Variants in CNTNAP3B observed in about 807,000 individuals in gnomAD.
The protein encoded by CNTNAP3B is contactin associated protein family member 3B.
Under a neutral mutation model 108.9 loss-of-function variants are expected in CNTNAP3B, and 25 were observed. The observed-to-expected ratio is 0.23, with a 90% confidence interval of 0.17 to 0.32. The LOEUF (loss-of-function observed/expected upper bound fraction) is 0.32, where lower values mean the gene tolerates loss of function less well. Ranked by LOEUF, CNTNAP3B falls within the 10% of genes least tolerant of loss-of-function variation. The probability of loss-of-function intolerance (pLI) is 1.00; values close to 1 mark genes in which losing one functional copy is unlikely to be tolerated. For missense variants in CNTNAP3B, 252 were observed against 1,210.4 expected (o/e 0.21, Z 11.75); for synonymous variants, 103 against 473.4 (o/e 0.22, Z 10.16).
intron 15 of CNTNAP3B, among the ~76,000 whole-genome samples, chr9:41,924,946 G>A (rs1430157162): frequency 2.2e-3 from 339 of 152,048 alleles, no homozygotes; most frequent in East Asian, 0.017. Context: ...TTCATGTTGT[G>A]CATTTTTGTC....
intron 6 of CNTNAP3B, among the ~76,000 whole-genome samples, chr9:41,997,366 T>C (rs1268024034): frequency 1.3e-5 from 2 of 152,218 alleles, no homozygotes; most frequent in Non-Finnish European, 2.9e-5. Flanking sequence ...ACACTGACTG[T>C]TTACTTCTTT....
intron 3 of CNTNAP3B, among the ~76,000 whole-genome samples, chr9:42,070,766 C>T (rs1451700956): frequency 6.6e-6 from 1 of 152,164 alleles, no homozygotes; most frequent in African/African-American, 2.4e-5. Context: ...CTGCCCCCTC[C>T]GTTAGTTCCA....
At chr9:41,955,796 C>T (rs1824839395) in intron 12 of CNTNAP3B, among the ~76,000 whole-genome samples, 1 of 152,292 alleles carries the variant, frequency 6.6e-6, no homozygotes, top group African/African-American at 2.4e-5. Flanking sequence ...AATAAATATC[C>T]AACTTTGAAA....
At chr9:42,056,204 G>A (rs1301708333) in intron 3 of CNTNAP3B, among the ~76,000 whole-genome samples, 1 of 133,982 alleles carries the variant, frequency 7.5e-6, no homozygotes, top group Admixed American at 7.5e-5. Flanking sequence ...TGAAAGTAAT[G>A]TCCTAAGCAA....
At chr9:41,965,617 T>C (rs529478710) in intron 10 of CNTNAP3B, among the ~76,000 whole-genome samples, 193 of 149,790 alleles carry the variant, frequency 1.3e-3, no homozygotes, top group African/African-American at 4.6e-3. Context: ...GTGAAGATTC[T>C]AAAGGACACT....
chr9:42,068,019 C>T (rs946540533), intron 3 of CNTNAP3B, among the ~76,000 whole-genome samples: 1 of 139,384 alleles, frequency 7.2e-6, no homozygotes, highest in Non-Finnish European at 1.5e-5. Context: ...GAAAAACACC[C>T]CTGCTCATCA....
At chr9:41,935,152 T>C (rs1297390484) in intron 14 of CNTNAP3B, among the ~76,000 whole-genome samples, 4 of 152,302 alleles carry the variant, frequency 2.6e-5, no homozygotes, top group Non-Finnish European at 4.4e-5. Flanking sequence ...CTTTTAAATA[T>C]ATGTTTTTAT....
chr9:41,977,077 G>T (rs951565162), intron 9 of CNTNAP3B, among the ~76,000 whole-genome samples: 2 of 144,112 alleles, frequency 1.4e-5, no homozygotes, highest in East Asian at 4.2e-4. Context: ...TGAAAAATTA[G>T]CAATATTTTT....
At chr9:41,951,362 G>T (rs868341464) in intron 13 of CNTNAP3B, among the ~76,000 whole-genome samples, 5 of 103,714 alleles carry the variant, frequency 4.8e-5, no homozygotes, top group African/African-American at 1.8e-4. Context: ...AAGATCACCT[G>T]GGGATTTTTT....
intron 9 of CNTNAP3B, among the ~76,000 whole-genome samples, chr9:41,977,608 G>C (rs918764727): frequency 7.3e-6 from 1 of 137,112 alleles, no homozygotes; most frequent in Non-Finnish European, 1.5e-5. Flanking sequence ...CAATTTTAGG[G>C]ATGAATTTTA....
In CNTNAP3B at chr9:41,936,210, C is replaced by T. The variant is rs1824151884; in HGVS notation, c.2237+2034G>A. Reference sequence around the variant, plus strand: ...GAGAATCGCTTGAATCCGGGAGGCGCAGGTTGCAGTGAGCTGAGATCGCAC... The same window carrying T: ...GAGAATCGCTTGAATCCGGGAGGCGTAGGTTGCAGTGAGCTGAGATCGCAC... On this transcript the variant is annotated intron_variant, in intron 14 of 23. Transcript: ENST00000377561. 2.0e-5 allele frequency among the ~76,000 whole-genome samples: 3 copies of T among 152,400 alleles called. No individual in the cohort carries two copies. In the South Asian group the frequency reaches 6.2e-4, roughly 32 times the overall value.
intron 3 of CNTNAP3B, among the ~76,000 whole-genome samples, chr9:42,053,829 G>T (rs1245778991): frequency 6.9e-6 from 1 of 143,910 alleles, no homozygotes; most frequent in Non-Finnish European, 1.5e-5. Flanking sequence ...GACAGAGCAG[G>T]CTGCTCCAAC....
intron 13 of CNTNAP3B, among the ~76,000 whole-genome samples, chr9:41,952,012 C>T (rs1315722393): frequency 6.6e-6 from 1 of 151,048 alleles, no homozygotes; most frequent in African/African-American, 2.4e-5. Flanking sequence ...GGGAGGGGAG[C>T]GGGTTGCAGT....
intron 14 of CNTNAP3B, among the ~76,000 whole-genome samples, chr9:41,932,761 G>C (rs1480108047): frequency 6.6e-6 from 1 of 151,890 alleles, no homozygotes; most frequent in African/African-American, 2.4e-5. Flanking sequence ...TTCATGATCT[G>C]CCCGCCTTGG....
chr9:42,021,818 C>T (rs1250355678), intron 3 of CNTNAP3B, among the ~76,000 whole-genome samples: 1 of 135,978 alleles, frequency 7.4e-6, no homozygotes, highest in Non-Finnish European at 1.6e-5. Context: ...AGCTCTGAAA[C>T]CGCCTTTGCA....
At chr9:41,937,702 C>T (rs1159033777) in intron 14 of CNTNAP3B, among the ~76,000 whole-genome samples, 1 of 152,128 alleles carries the variant, frequency 6.6e-6, no homozygotes, top group Non-Finnish European at 1.5e-5. Context: ...GTATGGTCTA[C>T]AGAACAGTTG....
chr9:41,893,787 A>G lies in CNTNAP3B; in HGVS notation c.*202T>C. The G allele has an allele frequency of 9.9e-5, 2 of 20,182 alleles. No homozygotes were observed. The highest frequency in any genetic ancestry group is 8.6e-4 in the Admixed American group (2 of 2,326). 1.3% of individuals were successfully genotyped at this position (20,182 alleles called of 1,614,324 possible). A position where few individuals can be genotyped will look rare whatever the true frequency, so the allele number is the denominator to read the frequency against. ...GGAGGACTGTGTTTCACCGAGGGAG[A>G]AAGGGACCTCCCAGAGGCTCTGAGG... is the stretch of plus-strand genomic sequence containing the variant. On this transcript the variant is annotated 3_prime_UTR_variant, in exon 24 of 24. Coordinates refer to ENST00000377561, the MANE Select transcript of CNTNAP3B (RefSeq NM_001201380.3).
At chr9:42,047,404 GC>G (rs1415792869) in intron 3 of CNTNAP3B, among the ~76,000 whole-genome samples, 1 of 132,112 alleles carries the variant, frequency 7.6e-6, no homozygotes, top group East Asian at 2.3e-4. Flanking sequence ...AAAGCAGAAA[GC>G]AAAACCAAAG....
intron 13 of CNTNAP3B, among the ~76,000 whole-genome samples, chr9:41,944,499 T>C (rs1824464107): frequency 6.6e-6 from 1 of 152,300 alleles, no homozygotes; most frequent in Non-Finnish European, 1.5e-5. Flanking sequence ...TAGTGTATAT[T>C]TTATACTCAA....
Sources: allele counts gnomAD v4.1 joint callset (sites outside exome capture counted in the v4.1 genomes callset), GRCh38; gene constraint gnomAD v4.1.1; transcripts MANE v1.5; gene names NCBI Gene and HGNC (gene_info 2026-07-23, HGNC 2026-07-21).